KIF5A: variants seen among roughly 807,000 people sequenced by gnomAD.
KIF5A encodes kinesin family member 5A.
A neutral mutation model predicts 141.3 loss-of-function variants in KIF5A; 35 were observed. The ratio of observed to expected loss-of-function variants is 0.25; its 90% confidence interval spans 0.19 to 0.33. The LOEUF (loss-of-function observed/expected upper bound fraction) is 0.33. KIF5A is among the 10% of genes least tolerant of loss of function. KIF5A has a pLI of 1.00. For missense variants in KIF5A, 861 were observed against 1,314.3 expected (o/e 0.66, Z 5.33); for synonymous variants, 448 against 500.2 (o/e 0.90, Z 1.39).
rs770297402 is a variant in KIF5A, at chr12:57,571,338, A to G, written c.1311A>G (p.Gln437=). The G allele has an allele frequency of 3.0e-5, 49 of 1,612,750 alleles. No homozygotes were observed. The highest frequency in any genetic ancestry group is 2.1e-4 in the South Asian group (19 of 91,048). ...QLDDKDDEIN[Q]QSQLIEKLKQ... ...TCCAACAGGATGATGAAATCAACCA[A>G]CAAAGCCAACTCATAGAGAAGCTCA... Residue 437 remains glutamine (Q), a synonymous_variant, in exon 13 of 29, where the codon CAA becomes CAG. Coordinates refer to ENST00000455537, the MANE Select transcript of KIF5A (RefSeq NM_004984.4).
At chr12:57,562,114 T>G (rs1209241575) in intron 1 of KIF5A, among the ~76,000 whole-genome samples, 1 of 152,262 alleles carries the variant, frequency 6.6e-6, no homozygotes, top group Non-Finnish European at 1.5e-5. Context: ...GTTAGCTTCC[T>G]AAGTTGTAAG....
In KIF5A at chr12:57,582,585, A is replaced by G; in HGVS notation, c.2993-17A>G. The G allele has an allele frequency of 1.2e-6, 2 of 1,607,546 alleles. No homozygotes were observed. The highest frequency in any genetic ancestry group is 1.7e-6 in the Non-Finnish European group (2 of 1,174,084). ...TTTCTTCTTCTAATCCTGTGTTCTC[A>G]ATGATGATCTCTTCAGGAAATGCCA... On this transcript the variant is annotated splice_polypyrimidine_tract_variant and intron_variant, in intron 26 of 28. Coordinates refer to ENST00000455537, the MANE Select transcript of KIF5A (RefSeq NM_004984.4).
intron 23 of KIF5A, among the ~76,000 whole-genome samples, chr12:57,580,340 G>A (rs946023640): frequency 1.3e-5 from 2 of 152,172 alleles, no homozygotes; most frequent in African/African-American, 4.8e-5. Flanking sequence ...GAATGTGAAG[G>A]TAATGAGTGC....
Position 57,564,271 on chromosome 12 carries a change from T to A in KIF5A, c.396+59T>A, listed in dbSNP as rs535015816. 2.3e-6 allele frequency: 3 copies of A among 1,302,284 alleles called. No individual in the cohort carries two copies. In the East Asian group the frequency reaches 6.9e-5, roughly 30 times the overall value. 80.7% of individuals were successfully genotyped at this position (1,302,284 alleles called of 1,614,324 possible). ...GGGACTGGGAGGGGAAGATCTAAAA[T>A]CTTCCCACTGAAGAGCCTGGGCTCC... On this transcript the variant is annotated intron_variant, in intron 4 of 28. Coordinates refer to ENST00000455537, the MANE Select transcript of KIF5A (RefSeq NM_004984.4).
intron 6 of KIF5A, 84 bp from the exon 7 acceptor site, chr12:57,567,042 G>C: frequency 1.4e-6 from 1 of 709,564 alleles, no homozygotes; most frequent in Non-Finnish European, 2.1e-6. Context: ...CATCTCAAAA[G>C]AAAATAATAA....
At chr12:57,559,237 T>C (rs1464546295) in intron 1 of KIF5A, among the ~76,000 whole-genome samples, 2 of 152,344 alleles carry the variant, frequency 1.3e-5, no homozygotes, top group South Asian at 2.1e-4. Flanking sequence ...TTTTTCGAAG[T>C]GGAGGTCATA....
rs747060784 is a variant in KIF5A at position 57,572,794 on chromosome 12, A to G, written c.1716+68A>G. ...GTGGAAGACGCAAGATGAGCCATCC[A>G]GGCCTTCACAGATACTGAGAAAGGC... is the stretch of plus-strand genomic sequence containing the variant. On this transcript the variant is annotated intron_variant, in intron 15 of 28. Transcript: ENST00000455537. This position sits in a 1 kb window ranked among gnomAD's most constrained non-coding sequence, Gnocchi z 4.2. The G allele has an allele frequency of 6.4e-7, 1 of 1,574,678 alleles. No individual in the cohort carries two copies. The highest frequency in any genetic ancestry group is 8.7e-7 in the Non-Finnish European group (1 of 1,144,340).
At position 57,568,962 on chromosome 12, in the gene KIF5A, G is replaced by T; in HGVS notation, c.715-1G>T. On this transcript the variant is annotated splice_acceptor_variant, in intron 8 of 28. Coordinates refer to ENST00000455537, the MANE Select transcript of KIF5A (RefSeq NM_004984.4). LOFTEE classifies it high-confidence loss of function. ...ACACTCATCTCTTACTGCCCTGGTA[G>T]GTCAGCAAGACTGGAGCAGAGGGAG... The T allele has an allele frequency of 6.2e-7, 1 of 1,612,286 alleles. No individual in the cohort carries two copies. Among genetic ancestry groups the T allele is most frequent in the Non-Finnish European group, 8.5e-7 (1 of 1,178,720 alleles).
Position 57,567,485 on chromosome 12 carries a change from C to T in KIF5A, c.590-9C>T. 6.2e-7 allele frequency: 1 copy of T among 1,612,808 alleles called. No homozygotes were observed. The highest frequency in any genetic ancestry group is 1.1e-5 in the South Asian group (1 of 90,966). ...TGGTGCAGGTCCTGTTTCTCCCTTGCTCCTGCAGACATGAATGAACACAGC... is the reference window on the plus strand; with the variant it reads ...TGGTGCAGGTCCTGTTTCTCCCTTGTTCCTGCAGACATGAATGAACACAGC... On this transcript the variant is annotated splice_polypyrimidine_tract_variant and intron_variant, in intron 7 of 28. Transcript: ENST00000455537.
rs1555179091 is a variant in KIF5A, at chr12:57,582,630, G to A, written c.3020+1G>A. 6.2e-7 allele frequency: 1 copy of A among 1,608,674 alleles called. No homozygotes were observed. Among genetic ancestry groups the A allele is most frequent in the African/African-American group, 1.3e-5 (1 of 74,762 alleles). ...ATGCCACAGATATCAATGACAATAG[G>A]TACAACAGTCCCCACTACCCCTGGG... On this transcript the variant is annotated splice_donor_variant, in intron 27 of 28. Transcript: ENST00000455537. LOFTEE classifies it high-confidence loss of function.
chr12:57,564,948 A>G lies in KIF5A; in HGVS notation c.476A>G (p.Asp159Gly), dbSNP rs1191334617. The change falls in exon 6 of 29, where the codon GAC becomes GGC. Residue 159 changes from aspartate (D) to glycine (G), a missense_variant. Asp to Gly is a moderately conservative substitution (Grantham distance 94). Coordinates refer to ENST00000455537, the MANE Select transcript of KIF5A (RefSeq NM_004984.4). ...VTKTNLSVHE[D>G]KNRVPFVKGC... The stretch of plus-strand genomic sequence containing the variant: ...AAGACAAATCTGTCCGTGCACGAGG[A>G]CAAGAACCGGGTGCCATTTGTCAAG... The G allele has an allele frequency of 6.2e-7, 1 of 1,614,102 alleles. No individual in the cohort carries two copies.
chr12:57,583,362 T>C, intron 28 of KIF5A, 147 bp downstream of exon 28: 2 of 636,994 alleles, frequency 3.1e-6, no homozygotes, highest in Non-Finnish European at 5.6e-6. Context: ...TGCTTTCCCC[T>C]GTTGGGGGCT....
chr12:57,578,255 C>T lies in KIF5A; in HGVS notation c.2451C>T (p.Pro817=), dbSNP rs976137208. 5.6e-6 allele frequency: 9 copies of T among 1,613,758 alleles called. No homozygotes were observed. The highest frequency in any genetic ancestry group is 2.2e-5 in the East Asian group (1 of 44,888). ...GTTCTCAGAGTGCAGAAATGGAGCC[C>T]GAAGACAGTGGGGGGATTCACTCCC... ...TRVKKSAEME[P]EDSGGIHSQK... Residue 817 remains proline (P), a synonymous_variant, in exon 23 of 29, where the codon CCC becomes CCT. Coordinates refer to ENST00000455537, the MANE Select transcript of KIF5A (RefSeq NM_004984.4).
chr12:57,565,983 C>T lies in KIF5A; in HGVS notation c.501+1010C>T, dbSNP rs1475243569. 2.0e-5 allele frequency among the ~76,000 whole-genome samples: 3 copies of T among 151,892 alleles called. No homozygotes were observed. In the East Asian group the frequency reaches 5.9e-4, roughly 30 times the overall value. Reference sequence around the variant, plus strand: ...GCATGGTGGCACACACCTGTAGTCCCAGCTACTCAGGAGGCTGAGGCGGGA... The same window carrying T: ...GCATGGTGGCACACACCTGTAGTCCTAGCTACTCAGGAGGCTGAGGCGGGA... On this transcript the variant is annotated intron_variant, in intron 6 of 28. Transcript: ENST00000455537.
chr12:57,582,514 A>G, intron 26 of KIF5A, 88 bp from the exon 27 acceptor site: 1 of 968,860 alleles, frequency 1.0e-6, no homozygotes, highest in East Asian at 2.4e-5. Flanking sequence ...AGGGATTAAG[A>G]TGGGAGAGGG....
In KIF5A at chr12:57,583,104, T is replaced by C. The variant is rs766259270; in HGVS notation, c.3024T>C (p.Ser1008=). ...GNATDINDNR[S]DLPCGYEAED... is the part of the protein sequence containing the mutation. ...CATGGTGGGTCTCTTCCTCCAGGAG[T>C]GACCTGCCGTGTGGCTATGAGGCTG... Residue 1008 remains serine, a synonymous_variant, in exon 28 of 29, where the codon AGT becomes AGC. Coordinates refer to ENST00000455537, the MANE Select transcript of KIF5A (RefSeq NM_004984.4). The C allele has an allele frequency of 8.7e-6, 14 of 1,612,788 alleles. No homozygotes were observed. In the African/African-American group the frequency reaches 1.7e-4, roughly 20 times the overall value.
intron 1 of KIF5A, among the ~76,000 whole-genome samples, chr12:57,559,140 G>C (rs1424613928): frequency 6.6e-6 from 1 of 152,154 alleles, no homozygotes; most frequent in Non-Finnish European, 1.5e-5. Context: ...GGACATTAAG[G>C]GTTGTTCTAA....
intron 1 of KIF5A, among the ~76,000 whole-genome samples, chr12:57,559,946 C>T (rs542371034): frequency 5.3e-5 from 8 of 152,264 alleles, no homozygotes; most frequent in South Asian, 4.1e-4. Flanking sequence ...GGCTGGAGTG[C>T]GGTGGCGCGA....
intron 20 of KIF5A, among the ~76,000 whole-genome samples, chr12:57,577,402 C>G (rs988389068): frequency 6.6e-6 from 1 of 152,114 alleles, no homozygotes; most frequent in African/African-American, 2.4e-5. Flanking sequence ...CGAGACCAGC[C>G]TGGGCAACAT....
Sources: gnomAD v4.1 joint callset for allele counts (sites outside exome capture counted in the v4.1 genomes callset) on GRCh38, gnomAD v4.1.1 for gene constraint, Gnocchi (gnomAD v3.1) non-coding constraint, MANE v1.5 for transcripts, NCBI Gene and HGNC (gene_info 2026-07-23, HGNC 2026-07-21) for gene names.